The following FBXO11 variants were observed in gnomAD, a reference collection of about 807,000 sequenced individuals.
The protein encoded by FBXO11 is F-box only protein 11.
A neutral mutation model predicts 117.0 loss-of-function variants in FBXO11; 13 were observed. That is an observed-to-expected ratio of 0.11 (90% CI 0.07 to 0.18). FBXO11 has a LOEUF of 0.18. FBXO11 is among the 10% of genes least tolerant of loss of function. FBXO11 has a pLI of 1.00. For missense variants in FBXO11, 767 were observed against 1,164.4 expected, an observed-to-expected ratio of 0.66 and a Z score of 4.97; for synonymous variants, 490 against 380.5, an observed-to-expected ratio of 1.29 and a Z score of -3.35.
intron 7 of FBXO11, among the ~76,000 whole-genome samples, chr2:47,833,794 C>G (rs573012714): frequency 6.6e-6 from 1 of 151,960 alleles, no homozygotes. Flanking sequence ...CCTCCAGAGT[C>G]GCTGGGATTA....
At chr2:47,811,455 T>C (rs1670606230) in intron 18 of FBXO11, 2 of 152,236 alleles carry the variant, frequency 1.3e-5, no homozygotes, top group African/African-American at 2.4e-5. Flanking sequence ...CCTCAAATGA[T>C]CCACCCACCT....
At chr2:47,826,671 T>C (rs1279242133) in intron 11 of FBXO11, among the ~76,000 whole-genome samples, 5 of 151,840 alleles carry the variant, frequency 3.3e-5, no homozygotes, top group African/African-American at 1.2e-4. Context: ...TATGACTTCT[T>C]TGCTGCACAA....
At chr2:47,863,747 C>T (rs1457107097) in intron 1 of FBXO11, among the ~76,000 whole-genome samples, 1 of 152,112 alleles carries the variant, frequency 6.6e-6, no homozygotes, top group Non-Finnish European at 1.5e-5. Context: ...TTGAGACCAG[C>T]CTGGCTAACA....
At chr2:47,903,125 T>TA (rs756954710) in intron 1 of FBXO11, among the ~76,000 whole-genome samples, 1 of 152,168 alleles carries the variant, frequency 6.6e-6, no homozygotes, top group African/African-American at 2.4e-5. Flanking sequence ...ATCGGACATT[T>TA]AAAAAAACGT....
intron 11 of FBXO11, 78 bp downstream of exon 11, chr2:47,832,271 G>A (rs1405968016): frequency 5.6e-6 from 7 of 1,256,826 alleles, no homozygotes; most frequent in African/African-American, 3.0e-5. Context: ...ATTTGGTGAT[G>A]AGAAAATAAT....
chr2:47,899,980 C>G (rs1026573849), intron 1 of FBXO11, among the ~76,000 whole-genome samples: 1 of 152,022 alleles, frequency 6.6e-6, no homozygotes, highest in Non-Finnish European at 1.5e-5. Context: ...AATACTCAAA[C>G]TAGGGGTTCT....
At chr2:47,808,871 T>C in intron 21 of FBXO11, 1 of 292,768 alleles carries the variant, frequency 3.4e-6, no homozygotes, top group Non-Finnish European at 6.3e-6. Context: ...GGTCTTTGTT[T>C]TGTTTTGTAG....
Position 47,812,848 on chromosome 2 carries a change from G to A in FBXO11, c.2227+386C>T, listed in dbSNP as rs1175650225. ...TCTCCAACAAACACAGTTGAAAACA[G>A]TTACAAAAGCAATACCCGTTTACTA... On this transcript the variant is annotated intron_variant, in intron 18 of 22. Transcript: ENST00000403359. The A allele has an allele frequency of 1.2e-5, 3 of 255,314 alleles. No individual in the cohort carries two copies. In the East Asian group the frequency reaches 3.4e-4, roughly 29 times the overall value. The allele number at this position is 255,314 out of a possible 1,614,324, so 15.8% of individuals were successfully genotyped here.
intron 1 of FBXO11, among the ~76,000 whole-genome samples, chr2:47,850,699 T>A (rs1005780501): frequency 6.6e-6 from 1 of 152,180 alleles, no homozygotes; most frequent in Non-Finnish European, 1.5e-5. Context: ...TTTAGTTTGA[T>A]TAAAAGAAAA....
intron 1 of FBXO11, among the ~76,000 whole-genome samples, chr2:47,889,160 T>G (rs1458038576): frequency 6.6e-6 from 1 of 152,182 alleles, no homozygotes; most frequent in East Asian, 1.9e-4. Context: ...CCAACTGACA[T>G]AACACCAATA....
chr2:47,883,214 CG>C (rs1278158220), intron 1 of FBXO11, among the ~76,000 whole-genome samples: 1 of 152,036 alleles, frequency 6.6e-6, no homozygotes, highest in Non-Finnish European at 1.5e-5. Context: ...TTTTATTTTG[CG>C]TAACAGAATA....
rs887658622 is a variant in FBXO11, at chr2:47,906,315, C to A, written c.-595G>T. Among the ~76,000 whole-genome samples, 3 of 152,170 alleles carry A rather than the reference C, an allele frequency of 2.0e-5. No individual in the cohort carries two copies. The highest frequency in any genetic ancestry group is 7.2e-5 in the African/African-American group (3 of 41,442). On this transcript the variant is annotated 5_prime_UTR_variant, in exon 1 of 23. Transcript: ENST00000403359. ...TTCGGTCTCTTCTCTCTCCTCCCCC[C>A]CTTCTCTCCTCGGCGAAGGGGAAAT...
At chr2:47,821,286 T>C (rs1671360321) in intron 13 of FBXO11, among the ~76,000 whole-genome samples, 1 of 151,828 alleles carries the variant, frequency 6.6e-6, no homozygotes, top group Non-Finnish European at 1.5e-5. Flanking sequence ...AAAACCAGCC[T>C]GGCCAACATG....
At chr2:47,870,378 T>C (rs1229098018) in intron 1 of FBXO11, among the ~76,000 whole-genome samples, 1 of 152,202 alleles carries the variant, frequency 6.6e-6, no homozygotes, top group Non-Finnish European at 1.5e-5. Flanking sequence ...TAATCCCTGA[T>C]ACCTGTGAAC....
rs376402844 is a variant in FBXO11, at chr2:47,813,482, T to A, written c.2084-105A>T. Reference sequence around the variant, plus strand: ...GTCTCGCTCTGTTGCCAGGCTGGAGTGTGCAGTGGCGCGATCTTGGCTCAC... The same window carrying A: ...GTCTCGCTCTGTTGCCAGGCTGGAGAGTGCAGTGGCGCGATCTTGGCTCAC... On this transcript the variant is annotated intron_variant, in intron 17 of 22. Transcript: ENST00000403359. 1.9e-4 allele frequency: 146 copies of A among 758,544 alleles called. 3 individuals carry two copies. In the African/African-American group the frequency reaches 2.8e-3, roughly 15 times the overall value. The allele number at this position is 758,544 out of a possible 1,614,324, so 47.0% of individuals were successfully genotyped here.
intron 1 of FBXO11, among the ~76,000 whole-genome samples, chr2:47,865,465 T>C (rs1675126889): frequency 6.6e-6 from 1 of 152,176 alleles, no homozygotes; most frequent in African/African-American, 2.4e-5. Context: ...GTTTGAACCA[T>C]AAAGGCTGTG....
intron 1 of FBXO11, among the ~76,000 whole-genome samples, chr2:47,856,640 G>C (rs562327909): frequency 6.6e-6 from 1 of 152,200 alleles, no homozygotes; most frequent in Non-Finnish European, 1.5e-5. Flanking sequence ...TCAGTTAGTG[G>C]AGAACAAAAC....
At chr2:47,894,032 G>A (rs1677462219) in intron 1 of FBXO11, among the ~76,000 whole-genome samples, 1 of 152,164 alleles carries the variant, frequency 6.6e-6, no homozygotes, top group Admixed American at 6.5e-5. Context: ...GCTATCTAAG[G>A]CTACCATATC....
At chr2:47,875,554 G>T in intron 1 of FBXO11, among the ~76,000 whole-genome samples, 1 of 151,052 alleles carries the variant, frequency 6.6e-6, no homozygotes, top group South Asian at 2.1e-4. Context: ...AATTCCTAGA[G>T]TAGTAAAATA....
Sources: allele counts gnomAD v4.1 joint callset (sites outside exome capture counted in the v4.1 genomes callset), GRCh38; gene constraint gnomAD v4.1.1; transcripts MANE v1.5; gene names NCBI Gene and HGNC (gene_info 2026-07-23, HGNC 2026-07-21).